Variants in ABHD5 observed in about 807,000 individuals in gnomAD.
ABHD5 encodes the protein abhydrolase domain containing 5, lysophosphatidic acid acyltransferase.
In ABHD5, 30 loss-of-function variants were observed where a neutral mutation model predicts 44.9. That is an observed-to-expected ratio of 0.67 (90% CI 0.50 to 0.91). The LOEUF (loss-of-function observed/expected upper bound fraction) is 0.91, where lower values mean the gene tolerates loss of function less well. Ranked by LOEUF, ABHD5 falls within the 40% of genes least tolerant of loss-of-function variation. ABHD5 has a pLI of 0.00. For synonymous variants in ABHD5, 167 were observed against 147.0 expected, an observed-to-expected ratio of 1.14 and a Z score of -0.99; for missense variants, 399 against 423.4, an observed-to-expected ratio of 0.94 and a Z score of 0.50.
At chr3:43,711,534 A>T (rs2084688147) in intron 3 of ABHD5, among the ~76,000 whole-genome samples, 175 bp from the exon 4 acceptor site, 1 of 152,224 alleles carries the variant, frequency 6.6e-6, no homozygotes, top group South Asian at 2.1e-4. Context: ...GATCCTACTG[A>T]ATCTCAAAAG....
downstream of ABHD5, among the ~76,000 whole-genome samples, chr3:43,724,520 A>G (rs1413070800): frequency 6.6e-6 from 1 of 152,244 alleles, no homozygotes; most frequent in Admixed American, 6.5e-5. Context: ...CAAGATGTTC[A>G]TTGCAATATG....
upstream of ABHD5, chr3:43,690,893 G>A (rs2084356312): frequency 3.0e-6 from 4 of 1,328,728 alleles, no homozygotes; most frequent in South Asian, 1.5e-5. Context: ...CGCATGCGCT[G>A]GCGGCCTGCG....
chr3:43,729,754 A>G (rs2084901275), intron 7 of ABHD5, among the ~76,000 whole-genome samples: 2 of 152,246 alleles, frequency 1.3e-5, no homozygotes, highest in South Asian at 4.1e-4. Context: ...AAGTTGCTCT[A>G]TGATAGAAGG....
chr3:43,723,108 T>G (rs954796331), downstream of ABHD5, among the ~76,000 whole-genome samples: 2 of 152,148 alleles, frequency 1.3e-5, no homozygotes, highest in Non-Finnish European at 1.5e-5. Flanking sequence ...GGGTTTCCAT[T>G]GGCCAAAGAT....
In ABHD5 at chr3:43,690,994, T is replaced by TGGC. The variant is rs777623318; in HGVS notation, c.8_10dup (p.Ala3dup). The TGGC allele has an allele frequency of 1.2e-4, 188 of 1,571,978 alleles. No homozygotes were observed. The highest frequency in any genetic ancestry group is 1.5e-4 in the Non-Finnish European group (178 of 1,162,444). On this transcript the variant is annotated inframe_insertion, in exon 1 of 7. Coordinates refer to ENST00000644371, the MANE Select transcript of ABHD5 (RefSeq NM_016006.6). ...CCCGGCGCTTGCGCGGCGGCGGCTA[T>TGGC]GGCGGCGGAGGAGGAGGAGGTGGAC... is the stretch of plus-strand genomic sequence containing the variant.
At chr3:43,723,171 A>G (rs558199530), downstream of ABHD5, among the ~76,000 whole-genome samples, 2 of 152,274 alleles carry the variant, frequency 1.3e-5, no homozygotes, top group South Asian at 4.1e-4. Flanking sequence ...GAAATATATA[A>G]AACGGCCATG....
chr3:43,701,123 G>A (rs1160664761), intron 2 of ABHD5, among the ~76,000 whole-genome samples: 2 of 152,186 alleles, frequency 1.3e-5, no homozygotes, highest in Non-Finnish European at 2.9e-5. Context: ...ATGAAAGTAA[G>A]CTACGGTGGA....
At chr3:43,712,263 A>G (rs1575604887) in intron 4 of ABHD5, among the ~76,000 whole-genome samples, 1 of 152,270 alleles carries the variant, frequency 6.6e-6, no homozygotes, top group East Asian at 1.9e-4. Flanking sequence ...CCAATTGATG[A>G]TACCATTTGG....
chr3:43,702,376 T>A lies in ABHD5; in HGVS notation c.295T>A (p.Cys99Ser), dbSNP rs1317240749. ...CTGGGCACTGAATTTTGGAGATCTT[T>A]GCACCAACAGACCTGTCTATGCTTT... ...GLWALNFGDLCTNRPVYAFDL... is the reference protein window; with the variant it reads ...GLWALNFGDLSTNRPVYAFDL... Residue 99 changes from cysteine to serine, a missense_variant, in exon 3 of 7, where the codon TGC (cysteine) becomes AGC (serine). Coordinates refer to ENST00000644371, the MANE Select transcript of ABHD5 (RefSeq NM_016006.6). 34 of 1,614,120 alleles carry A rather than the reference T, an allele frequency of 2.1e-5. No individual in the cohort carries two copies. Among genetic ancestry groups the A allele is most frequent in the Non-Finnish European group, 2.8e-5 (33 of 1,180,060 alleles).
chr3:43,691,049 G>GCCGGCAGGGGGCTTCGTGTGTCT lies in ABHD5; in HGVS notation c.47+16_47+38dup. 3 of 1,548,400 alleles carry GCCGGCAGGGGGCTTCGTGTGTCT rather than the reference G, an allele frequency of 1.9e-6. No homozygotes were observed. The highest frequency in any genetic ancestry group is 1.2e-5 in the South Asian group (1 of 84,684). On this transcript the variant is annotated intron_variant, in intron 1 of 6. Transcript: ENST00000644371. Reference sequence around the variant, plus strand: ...CCGACACCGGAGAGAGGTAAGCGCAGCCGGCAGGGGGCTTCGTGTGTCTCC... The same window carrying GCCGGCAGGGGGCTTCGTGTGTCT: ...CCGACACCGGAGAGAGGTAAGCGCAGCCGGCAGGGGGCTTCGTGTGTCTCCGGCAGGGGGCTTCGTGTGTCTCC...
At chr3:43,713,354 GA>G (rs1559416884) in intron 4 of ABHD5, among the ~76,000 whole-genome samples, 1 of 147,468 alleles carries the variant, frequency 6.8e-6, no homozygotes, top group African/African-American at 2.5e-5. Context: ...GAAAAGAAAA[GA>G]AAAAAGAAAA....
At chr3:43,702,009 G>A (rs942843181) in intron 2 of ABHD5, 7 of 525,350 alleles carry the variant, frequency 1.3e-5, no homozygotes, top group African/African-American at 1.1e-4. Flanking sequence ...TTTGTCTGAG[G>A]TAGGTCTTCC....
chr3:43,703,345 A>AT (rs1368794402), intron 3 of ABHD5, among the ~76,000 whole-genome samples: 2 of 151,978 alleles, frequency 1.3e-5, no homozygotes, highest in Non-Finnish European at 2.9e-5. Context: ...CACTCAGCTA[A>AT]TTTTTGTAGT....
intron 4 of ABHD5, 120 bp downstream of exon 4, chr3:43,711,983 C>G: frequency 1.5e-6 from 2 of 1,310,208 alleles, no homozygotes; most frequent in Admixed American, 3.5e-5. Flanking sequence ...ACTTTTTCTC[C>G]TCTTCCTCTA....
intron 6 of ABHD5, 118 bp from the exon 7 acceptor site, chr3:43,718,325 G>A (rs933704036): frequency 1.6e-5 from 13 of 828,702 alleles, no homozygotes; most frequent in Non-Finnish European, 2.3e-5. Flanking sequence ...TTTTAATCAC[G>A]TGTTTTATTT....
chr3:43,699,979 A>AC (rs1050263094), intron 2 of ABHD5, among the ~76,000 whole-genome samples: 6 of 151,602 alleles, frequency 4.0e-5, no homozygotes, highest in African/African-American at 7.3e-5. Flanking sequence ...TCTCAGGGAC[A>AC]CCCCCCCTGA....
At chr3:43,692,320 A>G (rs1336923708) in intron 1 of ABHD5, among the ~76,000 whole-genome samples, 1 of 152,208 alleles carries the variant, frequency 6.6e-6, no homozygotes, top group African/African-American at 2.4e-5. Flanking sequence ...CTGAGGTGAA[A>G]TGTTGAATGT....
At chr3:43,728,063 G>T (rs1415930710) in intron 7 of ABHD5, among the ~76,000 whole-genome samples, 1 of 152,074 alleles carries the variant, frequency 6.6e-6, no homozygotes, top group Non-Finnish European at 1.5e-5. Flanking sequence ...GACCTCACCG[G>T]CCTTGCTCTG....
At chr3:43,732,088 G>A (rs190765394) in intron 7 of ABHD5, among the ~76,000 whole-genome samples, 80 of 152,202 alleles carry the variant, frequency 5.3e-4, no homozygotes, top group African/African-American at 1.9e-3. Context: ...AAAAATTATT[G>A]TCTTTAATAT....
Sources: gnomAD v4.1 joint callset for allele counts (sites outside exome capture counted in the v4.1 genomes callset) on GRCh38, gnomAD v4.1.1 for gene constraint, MANE v1.5 for transcripts, NCBI Gene and HGNC (gene_info 2026-07-23, HGNC 2026-07-21) for gene names.